PVRIG: variants seen among roughly 807,000 people sequenced by gnomAD.
PVRIG encodes the protein PVR related immunoglobulin domain containing, also known as transmembrane protein PVRIG.
PVRIG carries 16 observed loss-of-function variants against 21.9 expected under a neutral mutation model. The observed-to-expected ratio is 0.73, with a 90% CI of 0.50 to 1.11. The LOEUF (loss-of-function observed/expected upper bound fraction) is 1.11. Among genes scored for constraint, PVRIG ranks in the 50% most tolerant of loss-of-function variants. The pLI is 0.00. For missense variants in PVRIG, 435 were observed against 445.7 expected (o/e 0.98, Z 0.22); for synonymous variants, 190 against 181.0 (o/e 1.05, Z -0.40).
At chr7:100,221,163 A>T (rs746372981) in exon 6 of PVRIG, 1 of 1,612,818 alleles carries the variant, frequency 6.2e-7, no homozygotes, top group South Asian at 1.1e-5. Context: ...CAGGCAGGGG[A>T]GAGGCCTCCT....
chr7:100,220,806 A>C, exon 5 of PVRIG: 1 of 1,606,566 alleles, frequency 6.2e-7, no homozygotes, highest in East Asian at 2.2e-5. Context: ...CCAGGCACCG[A>C]GAGCACGAGC....
intron 5 of PVRIG, 23 bp downstream of exon 4, chr7:100,220,843 G>C (rs748089821): frequency 1.9e-6 from 3 of 1,607,176 alleles, no homozygotes; most frequent in Non-Finnish European, 2.5e-6. Context: ...CCTGCTTTGG[G>C]GATGAGGTGA....
chr7:100,220,445 C>T (rs1287925618), exon 3 of PVRIG: 6 of 1,609,508 alleles, frequency 3.7e-6, no homozygotes, highest in Admixed American at 1.7e-5. Context: ...GTGGGAGCCT[C>T]CCGCCCAGCT....
exon 6 of PVRIG, chr7:100,221,354 G>C (rs909266648): frequency 1.1e-6 from 1 of 948,126 alleles, no homozygotes; most frequent in Non-Finnish European, 1.5e-6. Context: ...TAGGTGTCTG[G>C]CCAGGCCCAC....
At chr7:100,221,409 G>C (rs1162886372) in exon 6 of PVRIG, 2 of 545,546 alleles carry the variant, frequency 3.7e-6, no homozygotes, top group Admixed American at 6.9e-5. Context: ...GGGCACAGGT[G>C]TGAGTGTGTG....
chr7:100,220,825 G>T lies in PVRIG; in HGVS notation c.657+5G>T. The T allele has an allele frequency of 6.2e-7, 1 of 1,607,494 alleles. No homozygotes were observed. Among genetic ancestry groups the T allele is most frequent in the Non-Finnish European group, 8.5e-7 (1 of 1,179,346 alleles). ...GCACCGAGAGCACGAGCATGGGTGAGGAGGGGACCTGCTTTGGGGATGAGG... is the reference window on the plus strand; with the variant it reads ...GCACCGAGAGCACGAGCATGGGTGATGAGGGGACCTGCTTTGGGGATGAGG... On this transcript the variant is annotated splice_donor_5th_base_variant and intron_variant, in intron 5 of 5. Transcript: ENST00000317271.
chr7:100,220,031 G>T lies in PVRIG; in HGVS notation c.118+3G>T, dbSNP rs1374607635. The T allele has an allele frequency of 1.2e-6, 2 of 1,605,104 alleles. No individual in the cohort carries two copies. Among genetic ancestry groups the T allele is most frequent in the African/African-American group, 2.7e-5 (2 of 74,820 alleles). On this transcript the variant is annotated splice_donor_region_variant and intron_variant, in intron 2 of 5. Transcript: ENST00000317271. ...GCTGACCTTGTGTGTCACTGCGGGT[G>T]AGTGCCGGCACCAGAGAGGGGCAGG...
exon 1 of PVRIG, chr7:100,219,399 G>A (rs372042306): frequency 5.9e-6 from 1 of 168,372 alleles, no homozygotes; most frequent in East Asian, 1.8e-4. Flanking sequence ...GCCCAGTATG[G>A]GGTGCGTTCA....
chr7:100,221,208 C>G (rs542788034), exon 6 of PVRIG: 2 of 1,607,030 alleles, frequency 1.2e-6, no homozygotes, highest in Non-Finnish European at 1.7e-6. Flanking sequence ...TTCCCTGACC[C>G]TCGGGGGCCC....
chr7:100,221,416 T>C, exon 6 of PVRIG: 1 of 526,730 alleles, frequency 1.9e-6, no homozygotes, highest in South Asian at 3.5e-5. Context: ...GGTGTGAGTG[T>C]GTGAGTGACA....
exon 5 of PVRIG, chr7:100,220,799 GGCACCGAGA>G (rs1563028069): frequency 1.2e-6 from 2 of 1,606,292 alleles, no homozygotes; most frequent in Admixed American, 3.3e-5. Context: ...CCAGCCCCCA[GGCACCGAGA>G]GCACGAGCAT....
intron 2 of PVRIG, 26 bp downstream of exon 1, chr7:100,220,054 AG>A (rs775734471): frequency 2.4e-5 from 39 of 1,603,600 alleles, no homozygotes; most frequent in Non-Finnish European, 2.9e-5. Flanking sequence ...AGAGAGGGGC[AG>A]GGGCTGCAGG....
Position 100,220,582 on chromosome 7 carries a change from C to T in PVRIG, c.505C>T (p.Arg169Trp), listed in dbSNP as rs150885872. Residue 169 changes from arginine to tryptophan, a missense_variant, in exon 4 of 6, where the codon CGG becomes TGG. Transcript: ENST00000317271. ...CCCGCCGACTCCTGCCCCCATTCTG[C>T]GGGCAGACCTGGCCGGGATCTTGGG... The T allele has an allele frequency of 2.5e-4, 402 of 1,611,986 alleles. 1 individual carries two copies. Among genetic ancestry groups the T allele is most frequent in the Non-Finnish European group, 3.2e-4 (379 of 1,179,924 alleles).
Position 100,220,545 on chromosome 7 carries a change from A to G in PVRIG, c.470-2A>G, listed in dbSNP as rs1239192370. 1.2e-6 allele frequency: 2 copies of G among 1,611,668 alleles called. No individual in the cohort carries two copies. The highest frequency in any genetic ancestry group is 1.7e-6 in the Non-Finnish European group (2 of 1,179,544). Reference sequence around the variant, plus strand: ...CCATCTGATTCTTGTCTCCGTGCCCAGGGCTCTCTGCCCCGCCGACTCCTG... The same window carrying G: ...CCATCTGATTCTTGTCTCCGTGCCCGGGGCTCTCTGCCCCGCCGACTCCTG... On this transcript the variant is annotated splice_acceptor_variant, in intron 3 of 5. Transcript: ENST00000317271. LOFTEE classifies it high-confidence loss of function.
At chr7:100,219,971 A>G (rs750180821) in exon 2 of PVRIG, 2 of 1,582,832 alleles carry the variant, frequency 1.3e-6, no homozygotes, top group South Asian at 1.2e-5. Context: ...GGAGGGGGCC[A>G]TGGGGCACCG....
intron 5 of PVRIG, 31 bp downstream of exon 4, chr7:100,220,851 T>TGACAGG (rs752428290): frequency 2.5e-6 from 4 of 1,603,224 alleles, no homozygotes; most frequent in Admixed American, 1.7e-5. Flanking sequence ...GGGGATGAGG[T>TGACAGG]GACAGGGGCA....
At chr7:100,220,906 T>C in intron 5 of PVRIG, 22 bp from the exon 5 acceptor site, 1 of 1,580,904 alleles carries the variant, frequency 6.3e-7, no homozygotes. Flanking sequence ...CAGACTCACT[T>C]GACCCTCCTT....
At chr7:100,219,641 C>T (rs1377424854) in intron 1 of PVRIG, 1 of 551,630 alleles carries the variant, frequency 1.8e-6, no homozygotes, top group South Asian at 2.1e-5. Context: ...AGCCCGGCAC[C>T]CCTTGCTGTC....
chr7:100,220,027 G>A (rs536460619), exon 2 of PVRIG: 96 of 1,605,070 alleles, frequency 6.0e-5, no homozygotes, highest in Middle Eastern at 5.9e-4. Context: ...GTGTCACTGC[G>A]GGTGAGTGCC....
Sources: allele counts gnomAD v4.1 joint callset, GRCh38; gene constraint gnomAD v4.1.1; transcripts MANE v1.5; gene names NCBI Gene and HGNC (gene_info 2026-07-23, HGNC 2026-07-21).